The following SCEL variants were observed in gnomAD, a reference collection of about 807,000 sequenced individuals.
The protein encoded by SCEL is sciellin.
In SCEL, 113 loss-of-function variants were observed where a neutral mutation model predicts 117.6. The observed-to-expected ratio is 0.96, with a 90% CI of 0.83 to 1.12. The LOEUF is 1.12. Among genes scored for constraint, SCEL ranks in the 50% most tolerant of loss-of-function variants. The pLI, the probability that SCEL is intolerant of heterozygous loss-of-function variation, is 0.00. For missense variants in SCEL, 785 were observed against 810.8 expected (o/e 0.97, Z 0.39); for synonymous variants, 270 against 256.2 (o/e 1.05, Z -0.51).
chr13:77,595,404 G>A lies in SCEL; in HGVS notation c.752+1831G>A, dbSNP rs543860379. Among the ~76,000 whole-genome samples, 337 of 152,316 alleles carry A rather than the reference G, an allele frequency of 2.2e-3. 1 individual carries two copies. The highest frequency in any genetic ancestry group is 0.01 in the Middle Eastern group (3 of 294). On this transcript the variant is annotated intron_variant, in intron 12 of 32. Transcript: ENST00000349847. ...TTTAATTTGTTACAAATGCAATGGT[G>A]AAACTTAATATCCAAAGCTTTCATC... is the stretch of plus-strand genomic sequence containing the variant.
intron 24 of SCEL, among the ~76,000 whole-genome samples, chr13:77,615,552 A>G (rs2088960343): frequency 6.6e-6 from 1 of 152,162 alleles, no homozygotes; most frequent in Admixed American, 6.6e-5. Context: ...GCATGAAAGT[A>G]ATAATAACCT....
At chr13:77,621,004 A>G (rs978280982) in intron 27 of SCEL, among the ~76,000 whole-genome samples, 1 of 152,036 alleles carries the variant, frequency 6.6e-6, no homozygotes, top group Non-Finnish European at 1.5e-5. Context: ...CCCATAATCA[A>G]TCAATCAGTC....
chr13:77,603,675 T>G (rs1197930796), intron 18 of SCEL, among the ~76,000 whole-genome samples: 1 of 152,230 alleles, frequency 6.6e-6, no homozygotes, highest in Non-Finnish European at 1.5e-5. Flanking sequence ...ATTCTGCTGC[T>G]GCCTTTTATG....
chr13:77,589,345 C>A (rs545282135), intron 10 of SCEL, 121 bp downstream of exon 10: 2 of 609,750 alleles, frequency 3.3e-6, no homozygotes, highest in Non-Finnish European at 2.8e-6. Flanking sequence ...CCTAAAGAAG[C>A]GCCTGTAGAA....
chr13:77,602,658 C>CA lies in SCEL; in HGVS notation c.986dup (p.Asn329LysfsTer7). On this transcript the variant is annotated frameshift_variant, in exon 17 of 33. Transcript: ENST00000349847. LOFTEE classifies it high-confidence loss of function. ...GTTTTGGTGTTTTTTCCAAAGAAGA[C>CA]AAAATCTCGAATCTGTTGCTAAAGT... is the stretch of plus-strand genomic sequence containing the variant. The CA allele has an allele frequency of 6.2e-7, 1 of 1,613,422 alleles. No homozygotes were observed.
intron 27 of SCEL, among the ~76,000 whole-genome samples, chr13:77,623,882 A>C (rs1468503060): frequency 6.6e-6 from 1 of 152,200 alleles, no homozygotes; most frequent in African/African-American, 2.4e-5. Context: ...TGAGGGTAGA[A>C]GCAGACCTGT....
intron 16 of SCEL, 96 bp downstream of exon 16, chr13:77,602,220 T>C (rs1260503919): frequency 9.9e-7 from 1 of 1,007,354 alleles, no homozygotes; most frequent in African/African-American, 1.6e-5. Context: ...TTTGTGGCAG[T>C]GAACTCTTGT....
chr13:77,558,237 A>G (rs1449099764), intron 3 of SCEL, among the ~76,000 whole-genome samples: 5 of 152,188 alleles, frequency 3.3e-5, no homozygotes, highest in Non-Finnish European at 5.9e-5. Context: ...AACCCAGGGA[A>G]GCCAGCTTGG....
Position 77,609,060 on chromosome 13 carries a change from C to T in SCEL, c.1220C>T (p.Ser407Phe). 6.3e-7 allele frequency: 1 copy of T among 1,586,580 alleles called. No individual in the cohort carries two copies. The change falls in exon 21 of 33, where the codon TCC (serine) becomes TTC (phenylalanine). Residue 407 changes from serine (S) to phenylalanine (F), a missense_variant and splice_region_variant. Coordinates refer to ENST00000349847, the MANE Select transcript of SCEL (RefSeq NM_144777.3). ...TPEVKRSNQGSKDLNNFIKVY... is the reference protein window; with the variant it reads ...TPEVKRSNQGFKDLNNFIKVY... ...GTTTTTTGTTTTTTTGTTTGAAGTTCCAAAGACCTTAATAACTTCATCAAA... is the reference window on the plus strand; with the variant it reads ...GTTTTTTGTTTTTTTGTTTGAAGTTTCAAAGACCTTAATAACTTCATCAAA...
At chr13:77,540,670 G>C (rs2083654829) in intron 1 of SCEL, among the ~76,000 whole-genome samples, 1 of 152,220 alleles carries the variant, frequency 6.6e-6, no homozygotes, top group South Asian at 2.1e-4. Flanking sequence ...GGAGCCCCAG[G>C]CACTGGAAGG....
chr13:77,604,694 A>G (rs1448556895), intron 19 of SCEL, among the ~76,000 whole-genome samples: 1 of 152,202 alleles, frequency 6.6e-6, no homozygotes, highest in African/African-American at 2.4e-5. Flanking sequence ...ATTTCTTTGT[A>G]TGCTAGTGTG....
intron 13 of SCEL, 93 bp downstream of exon 13, chr13:77,597,682 A>G: frequency 3.4e-6 from 2 of 591,152 alleles, no homozygotes; most frequent in South Asian, 4.7e-5. Flanking sequence ...CCCACATACC[A>G]GGGTAGTCAA....
At chr13:77,640,934 T>C in intron 31 of SCEL, 150 bp downstream of exon 31, 1 of 477,330 alleles carries the variant, frequency 2.1e-6, no homozygotes. Flanking sequence ...TATTTCTGAG[T>C]TCTGCAGCCT....
Position 77,545,456 on chromosome 13 carries a change from C to G in SCEL, c.-20+9632C>G, listed in dbSNP as rs537361311. On this transcript the variant is annotated intron_variant, in intron 1 of 32. Transcript: ENST00000349847. ...GACTAGTAATCCCTAATCCATTCCACAAAAGGGCATTTTTAACAAGGATAT... is the reference window on the plus strand; with the variant it reads ...GACTAGTAATCCCTAATCCATTCCAGAAAAGGGCATTTTTAACAAGGATAT... 5.3e-5 allele frequency among the ~76,000 whole-genome samples: 8 copies of G among 152,148 alleles called. No individual in the cohort carries two copies. The Middle Eastern group carries it at 0.02, about 388-fold the overall frequency.
At chr13:77,627,475 T>A (rs1444451210) in intron 27 of SCEL, among the ~76,000 whole-genome samples, 1 of 152,180 alleles carries the variant, frequency 6.6e-6, no homozygotes, top group Admixed American at 6.6e-5. Context: ...AATTATTGAT[T>A]GTACATTTCC....
chr13:77,552,471 T>C (rs2084391176), intron 1 of SCEL, among the ~76,000 whole-genome samples: 1 of 151,866 alleles, frequency 6.6e-6, no homozygotes, highest in African/African-American at 2.4e-5. Flanking sequence ...TTTCATGTGT[T>C]TTTTGGCTGC....
chr13:77,571,909 G>A (rs2085655493), intron 8 of SCEL, among the ~76,000 whole-genome samples: 1 of 152,074 alleles, frequency 6.6e-6, no homozygotes, highest in South Asian at 2.1e-4. Context: ...ACGTTACTTA[G>A]TGCTAAAGGA....
At chr13:77,588,482 T>A (rs182186745) in intron 9 of SCEL, among the ~76,000 whole-genome samples, 1 of 152,110 alleles carries the variant, frequency 6.6e-6, no homozygotes, top group Non-Finnish European at 1.5e-5. Flanking sequence ...GGGAGTGACA[T>A]ACTCTTAGTA....
intron 30 of SCEL, among the ~76,000 whole-genome samples, chr13:77,638,143 A>T (rs2090391896): frequency 6.6e-6 from 1 of 152,158 alleles, no homozygotes; most frequent in African/African-American, 2.4e-5. Flanking sequence ...AGTGCTTGGT[A>T]CCTAATGTGT....
Sources: allele counts gnomAD v4.1 joint callset (sites outside exome capture counted in the v4.1 genomes callset), GRCh38; gene constraint gnomAD v4.1.1; transcripts MANE v1.5; gene names NCBI Gene and HGNC (gene_info 2026-07-23, HGNC 2026-07-21).